Variants in TNFRSF10D observed in about 807,000 individuals in gnomAD.
The protein encoded by TNFRSF10D is tumor necrosis factor receptor superfamily member 10D.
In TNFRSF10D, 28 loss-of-function variants were observed where a neutral mutation model predicts 42.1. The observed-to-expected ratio is 0.66, with a 90% CI of 0.49 to 0.91. The LOEUF is 0.91. TNFRSF10D is among the 40% of genes least tolerant of loss of function. The pLI is 0.00. For synonymous variants in TNFRSF10D, 186 were observed against 189.4 expected (o/e 0.98, Z 0.15); for missense variants, 503 against 486.1 (o/e 1.03, Z -0.33).
At chr8:23,161,266 T>A (rs934032528) in intron 1 of TNFRSF10D, among the ~76,000 whole-genome samples, 124 of 152,332 alleles carry the variant, frequency 8.1e-4, no homozygotes, top group African/African-American at 2.9e-3. Flanking sequence ...GGCCCAGCTG[T>A]TCCCAGCCTC....
rs1260535808 is a variant in TNFRSF10D at position 23,135,992 on chromosome 8, A to C, written c.*1878T>G. ...GGAAGTGGGAGAGGATGGAAGTGCG[A>C]AGACCGGAAAGGCCATCCCCTCCTA... is the stretch of plus-strand genomic sequence containing the variant. On this transcript the variant is annotated 3_prime_UTR_variant, in exon 9 of 9. Transcript: ENST00000312584. The C allele has an allele frequency of 2.5e-5, 11 of 440,876 alleles. No homozygotes were observed. The Admixed American group carries it at 2.7e-4, about 11-fold the overall frequency. The allele number at this position is 440,876 out of a possible 1,614,324, so 27.3% of individuals were successfully genotyped here. A position where few individuals can be genotyped will look rare whatever the true frequency, so the allele number is the denominator to read the frequency against.
intron 1 of TNFRSF10D, among the ~76,000 whole-genome samples, chr8:23,158,887 A>T (rs1800319845): frequency 6.6e-6 from 1 of 152,202 alleles, no homozygotes; most frequent in Non-Finnish European, 1.5e-5. Flanking sequence ...TACACTGTGG[A>T]ACTATCGCCG....
At chr8:23,161,667 A>G (rs78002730) in intron 1 of TNFRSF10D, among the ~76,000 whole-genome samples, 2,736 of 152,316 alleles carry the variant, frequency 0.018, 31 homozygotes, top group Middle Eastern at 0.061. Context: ...TCCTAATACC[A>G]TTAAGGAATG....
chr8:23,160,625 G>A (rs1800353702), intron 1 of TNFRSF10D, among the ~76,000 whole-genome samples: 1 of 152,210 alleles, frequency 6.6e-6, no homozygotes, highest in South Asian at 2.1e-4. Context: ...CTGGCTGGGA[G>A]CAGGATACCA....
intron 2 of TNFRSF10D, among the ~76,000 whole-genome samples, chr8:23,152,877 G>A (rs141332021): frequency 1.3e-5 from 2 of 152,154 alleles, no homozygotes; most frequent in East Asian, 3.9e-4. Context: ...AATCTAAAAT[G>A]TGTATGGAAC....
Position 23,163,970 on chromosome 8 carries a change from A to ATT in TNFRSF10D, c.-36_-35insAA. The ATT allele has an allele frequency of 6.5e-7, 1 of 1,526,898 alleles. No individual in the cohort carries two copies. Among genetic ancestry groups the ATT allele is most frequent in the Non-Finnish European group, 8.8e-7 (1 of 1,141,496 alleles). The allele number at this position is 1,526,898 out of a possible 1,614,324, so 94.6% of individuals were successfully genotyped here. Reference sequence around the variant, plus strand: ...GGAGGGTGGATCGAAAGCGCCAAAAATCAATCAGAAATCGTCCCCGTAGTT... The same window carrying ATT: ...GGAGGGTGGATCGAAAGCGCCAAAAATTTCAATCAGAAATCGTCCCCGTAGTT... On this transcript the variant is annotated 5_prime_UTR_variant, in exon 1 of 9. Coordinates refer to ENST00000312584, the MANE Select transcript of TNFRSF10D (RefSeq NM_003840.5).
chr8:23,137,811 C>T lies in TNFRSF10D; in HGVS notation c.*59G>A, dbSNP rs78341389. On this transcript the variant is annotated 3_prime_UTR_variant, in exon 9 of 9. Transcript: ENST00000312584. The stretch of plus-strand genomic sequence containing the variant: ...GTACTGGACTGTTTCTTCCAGGCTG[C>T]TTCCCTTTGTAGGAGAAAAGGTAAA... The T allele has an allele frequency of 0.057, 89,644 of 1,570,700 alleles. 3,056 individuals are homozygous for T. The highest frequency in any genetic ancestry group is 0.13 in the Admixed American group (6,802 of 53,714).
Position 23,137,950 on chromosome 8 carries a change from T to A in TNFRSF10D, c.1081A>T (p.Thr361Ser). 6.2e-7 allele frequency: 1 copy of A among 1,614,236 alleles called. No homozygotes were observed. The highest frequency in any genetic ancestry group is 8.5e-7 in the Non-Finnish European group (1 of 1,180,042). The part of the protein sequence containing the change: ...ATLEEGHAKE[T>S]IQDQLVGSEK... The stretch of plus-strand genomic sequence containing the variant: ...GAGCCCACCAGTTGGTCCTGAATTG[T>A]TTCCTTTGCATGTCCTTCTTCCAGT... The change falls in exon 9 of 9, where the codon ACA (threonine) becomes TCA (serine). Residue 361 changes from threonine (T) to serine (S), a missense_variant. Coordinates refer to ENST00000312584, the MANE Select transcript of TNFRSF10D (RefSeq NM_003840.5).
chr8:23,149,929 G>C (rs1383560993), intron 2 of TNFRSF10D, among the ~76,000 whole-genome samples: 4 of 152,116 alleles, frequency 2.6e-5, no homozygotes, highest in African/African-American at 9.7e-5. Flanking sequence ...TTCCACGAGG[G>C]CAGGGCCTCT....
rs1471923934 is a variant in TNFRSF10D at position 23,136,324 on chromosome 8, G to A, written c.*1546C>T. ...TTAAGAATTGATATCTCTGAGATGA[G>A]TCAGATGCTTACAGAGGGGCCAAGC... On this transcript the variant is annotated 3_prime_UTR_variant, in exon 9 of 9. Coordinates refer to ENST00000312584, the MANE Select transcript of TNFRSF10D (RefSeq NM_003840.5). 4.7e-6 allele frequency: 1 copy of A among 215,052 alleles called. No homozygotes were observed. Among genetic ancestry groups the A allele is most frequent in the Non-Finnish European group, 9.4e-6 (1 of 106,646 alleles). 13.3% of individuals were successfully genotyped at this position (215,052 alleles called of 1,614,324 possible). A position where few individuals can be genotyped will look rare whatever the true frequency, so the allele number is the denominator to read the frequency against.
At chr8:23,162,290 A>G (rs902827635) in intron 1 of TNFRSF10D, among the ~76,000 whole-genome samples, 1 of 152,204 alleles carries the variant, frequency 6.6e-6, no homozygotes, top group Admixed American at 6.5e-5. Context: ...GGTCTTGTCT[A>G]CACAGGTCAT....
Position 23,144,594 on chromosome 8 carries a change from C to T in TNFRSF10D, c.810G>A (p.Gly270=), listed in dbSNP as rs35763670. Residue 270 remains glycine, a synonymous_variant, in exon 7 of 9, where the codon GGG becomes GGA. Transcript: ENST00000312584. ...RRRSCPSRVP[G]AEDNARNETL... ...TCTCGTTGCGGGCATTGTCCTCCGC[C>T]CCAGGAACTCGTGAAGGACATGAAC... is the stretch of plus-strand genomic sequence containing the variant. 0.02 allele frequency: 32,428 copies of T among 1,614,132 alleles called. 459 individuals carry two copies. Among genetic ancestry groups the T allele is most frequent in the Non-Finnish European group, 0.024 (28,013 of 1,180,014 alleles).
chr8:23,153,338 AG>A (rs1235794367), intron 2 of TNFRSF10D, among the ~76,000 whole-genome samples: 1 of 152,226 alleles, frequency 6.6e-6, no homozygotes, highest in African/African-American at 2.4e-5. Flanking sequence ...TGACCCCAAA[AG>A]CACAGGCAAC....
intron 2 of TNFRSF10D, among the ~76,000 whole-genome samples, chr8:23,152,010 G>T (rs941995619): frequency 2.0e-5 from 3 of 152,180 alleles, no homozygotes. Context: ...TGTTCATCTT[G>T]TACATGTCCC....
intron 7 of TNFRSF10D, among the ~76,000 whole-genome samples, chr8:23,143,960 C>T (rs553486684): frequency 1.3e-5 from 2 of 152,198 alleles, no homozygotes; most frequent in East Asian, 3.8e-4. Context: ...GTGTGTGTTT[C>T]TGTAATACAA....
At chr8:23,139,909 G>A (rs1384123743) in intron 7 of TNFRSF10D, among the ~76,000 whole-genome samples, 1 of 152,190 alleles carries the variant, frequency 6.6e-6, no homozygotes, top group Non-Finnish European at 1.5e-5. Context: ...ACTTTGGGAG[G>A]CCGAGGCAGG....
rs1343523850 is a variant in TNFRSF10D, at chr8:23,163,920, G to T, written c.16C>A (p.Gln6Lys). ...GCGCTCGAGGCGGTCGGGACGCTTT[G>T]TCCCCAAAGTCCCATGAGAAGGGAG... MGLWG[Q>K]SVPTASSARA... Residue 6 changes from glutamine (Q) to lysine (K), a missense_variant, in exon 1 of 9, where the codon CAA (glutamine) becomes AAA (lysine). Gln to Lys is a moderately conservative substitution (Grantham distance 53). Transcript: ENST00000312584. 2 of 1,576,032 alleles carry T rather than the reference G, an allele frequency of 1.3e-6. No individual in the cohort carries two copies. The highest frequency in any genetic ancestry group is 1.7e-6 in the Non-Finnish European group (2 of 1,165,894).
At chr8:23,138,470 T>C (rs1458909764) in intron 7 of TNFRSF10D, among the ~76,000 whole-genome samples, 2 of 151,014 alleles carry the variant, frequency 1.3e-5, no homozygotes, top group Non-Finnish European at 2.9e-5. Flanking sequence ...ATGCTCACTT[T>C]GTAAGTGTTC....
chr8:23,142,388 T>A (rs1302304189), intron 7 of TNFRSF10D, among the ~76,000 whole-genome samples: 2 of 152,158 alleles, frequency 1.3e-5, no homozygotes, highest in Non-Finnish European at 2.9e-5. Context: ...CAATGTGGCA[T>A]ATATACACCA....
Sources: allele counts gnomAD v4.1 joint callset (sites outside exome capture counted in the v4.1 genomes callset), GRCh38; gene constraint gnomAD v4.1.1; transcripts MANE v1.5; gene names NCBI Gene and HGNC (gene_info 2026-07-23, HGNC 2026-07-21).